PTMA: variants seen among roughly 807,000 people sequenced by gnomAD.
The protein encoded by PTMA is prothymosin alpha.
In PTMA, 4 loss-of-function variants were observed where a neutral mutation model predicts 16.9. The observed-to-expected ratio is 0.24, with a 90% CI of 0.12 to 0.54. PTMA has a LOEUF of 0.54. Among genes scored for constraint, PTMA ranks in the 20% least tolerant of loss-of-function variants. The pLI, the probability that PTMA is intolerant of heterozygous loss-of-function variation, is 0.95. For missense variants in PTMA, 120 were observed against 137.7 expected, an observed-to-expected ratio of 0.87 and a Z score of 0.64; for synonymous variants, 58 against 47.9, an observed-to-expected ratio of 1.21 and a Z score of -0.87.
chr2:231,709,093 C>G (rs1026459020), intron 1 of PTMA, among the ~76,000 whole-genome samples: 2 of 152,162 alleles, frequency 1.3e-5, no homozygotes, highest in African/African-American at 4.8e-5. Flanking sequence ...GTCGGCCCGC[C>G]GGGCGCACGG....
intron 1 of PTMA, 151 bp downstream of exon 1, chr2:231,708,902 C>T (rs1452451894): frequency 2.1e-5 from 21 of 1,002,596 alleles, no homozygotes; most frequent in Non-Finnish European, 2.9e-5. Context: ...AGGCAGCCCA[C>T]TCTTTGTGTG....
chr2:231,712,385 T>C (rs1575353672), intron 3 of PTMA, 58 bp from the exon 4 acceptor site: 1 of 1,554,274 alleles, frequency 6.4e-7, no homozygotes, highest in Non-Finnish European at 8.9e-7. Flanking sequence ...CCTCGGGATT[T>C]CCCCAGGAGC....
chr2:231,708,917 G>C (rs1488004203), intron 1 of PTMA, among the ~76,000 whole-genome samples, 166 bp downstream of exon 1: 1 of 152,184 alleles, frequency 6.6e-6, no homozygotes, highest in Non-Finnish European at 1.5e-5. Flanking sequence ...TGTGTGGTGC[G>C]GGGGAGGGGG....
At chr2:231,711,609 G>T in intron 2 of PTMA, 190 bp downstream of exon 2, 3 of 736,380 alleles carry the variant, frequency 4.1e-6, no homozygotes, top group Non-Finnish European at 4.4e-6. Context: ...AAAACCTTTC[G>T]AGCAGCGCCT....
At chr2:231,710,962 C>G (rs759816067) in intron 1 of PTMA, among the ~76,000 whole-genome samples, 1 of 152,260 alleles carries the variant, frequency 6.6e-6, no homozygotes, top group African/African-American at 2.4e-5. Flanking sequence ...TTCTAGACGG[C>G]TCGAGGGGCG....
intron 3 of PTMA, 150 bp downstream of exon 3, chr2:231,712,133 T>A: frequency 7.2e-7 from 1 of 1,379,326 alleles, no homozygotes; most frequent in Non-Finnish European, 9.8e-7. Context: ...ACCTGTAGAG[T>A]CAGGGAAGGT....
At chr2:231,710,052 G>C (rs998995027) in intron 1 of PTMA, 1 of 1,224,224 alleles carries the variant, frequency 8.2e-7, no homozygotes, top group East Asian at 3.2e-5. Context: ...GATTTTCTCC[G>C]AAGCACCAAA....
chr2:231,712,722 G>A, intron 4 of PTMA, 82 bp from the exon 5 acceptor site: 3 of 1,505,572 alleles, frequency 2.0e-6, no homozygotes, highest in Middle Eastern at 3.4e-4. Context: ...CCTGGTTCTT[G>A]CTCTGCCAGC....
chr2:231,712,164 C>G (rs989402557), intron 3 of PTMA, among the ~76,000 whole-genome samples, 181 bp downstream of exon 3: 1 of 152,160 alleles, frequency 6.6e-6, no homozygotes, highest in African/African-American at 2.4e-5. Flanking sequence ...TGGAGTTGTG[C>G]CCATGCCCAC....
intron 1 of PTMA, chr2:231,710,669 C>A (rs1490072712): frequency 2.3e-6 from 1 of 434,862 alleles, no homozygotes; most frequent in South Asian, 1.6e-5. Context: ...CGGAGTCCCA[C>A]CCCCGAGGTG....
intron 1 of PTMA, chr2:231,709,906 C>T (rs773691061): frequency 2.5e-6 from 1 of 395,812 alleles, no homozygotes; most frequent in Non-Finnish European, 4.1e-6. Context: ...TCTGACTCTC[C>T]CAGGGGCGAC....
At position 231,710,058 on chromosome 2, in the gene PTMA, C is replaced by T. The variant is rs191884210; in HGVS notation, c.46-1290C>T. 9 of 1,226,308 alleles carry T rather than the reference C, an allele frequency of 7.3e-6. No individual in the cohort carries two copies. In the East Asian group the frequency reaches 2.2e-4, roughly 31 times the overall value. 76.0% of individuals were successfully genotyped at this position (1,226,308 alleles called of 1,614,324 possible). On this transcript the variant is annotated intron_variant, in intron 1 of 4. Coordinates refer to ENST00000409115, the MANE Select transcript of PTMA (RefSeq NM_002823.5). The stretch of plus-strand genomic sequence containing the variant: ...TGGCTGTTCGATTTTCTCCGAAGCA[C>T]CAAAAGGTGACTTCCCGCGAGGGCG...
Position 231,710,425 on chromosome 2 carries a change from C to T in PTMA, c.46-923C>T, listed in dbSNP as rs1037214789. 5 of 1,153,612 alleles carry T rather than the reference C, an allele frequency of 4.3e-6. No individual in the cohort carries two copies. The African/African-American group carries it at 6.6e-5, about 15-fold the overall frequency. The allele number at this position is 1,153,612 out of a possible 1,614,324, so 71.5% of individuals were successfully genotyped here. ...GCGCGCCGCGACCTCCCTGCCCCCA[C>T]TGCTCCCCGGGGCTTCGGCCGCCAG... On this transcript the variant is annotated intron_variant, in intron 1 of 4. Coordinates refer to ENST00000409115, the MANE Select transcript of PTMA (RefSeq NM_002823.5).
At chr2:231,709,170 C>T (rs1266167280) in intron 1 of PTMA, among the ~76,000 whole-genome samples, 1 of 152,102 alleles carries the variant, frequency 6.6e-6, no homozygotes, top group African/African-American at 2.4e-5. Context: ...GGGGCGCGGG[C>T]CGGCCGCGGG....
At position 231,713,477 on chromosome 2, in the gene PTMA, T is replaced by G; in HGVS notation, c.*626T>G. On this transcript the variant is annotated 3_prime_UTR_variant, in exon 5 of 5. Coordinates refer to ENST00000409115, the MANE Select transcript of PTMA (RefSeq NM_002823.5). ...TTTATTTTTTTTGGCCTGTTTGATG[T>G]ATGTGTGAAACAATGTTGTCCAACA... The G allele has an allele frequency of 2.3e-6, 1 of 438,046 alleles. No individual in the cohort carries two copies. Among genetic ancestry groups the G allele is most frequent in the Admixed American group, 3.0e-5 (1 of 33,524 alleles). 27.1% of individuals were successfully genotyped at this position (438,046 alleles called of 1,614,324 possible). A position where few individuals can be genotyped will look rare whatever the true frequency, so the allele number is the denominator to read the frequency against.
In PTMA at chr2:231,709,999, T is replaced by C. The variant is rs2048495432; in HGVS notation, c.45+1248T>C. 6.4e-6 allele frequency: 7 copies of C among 1,086,732 alleles called. No individual in the cohort carries two copies. In the South Asian group the frequency reaches 2.4e-4, roughly 37 times the overall value. The allele number at this position is 1,086,732 out of a possible 1,614,324, so 67.3% of individuals were successfully genotyped here. ...TCTGGACTCAGTCCGGGAATGAGTT[T>C]GTGGGGTGAGAACACCGTCCCCAGT... On this transcript the variant is annotated intron_variant, in intron 1 of 4. Coordinates refer to ENST00000409115, the MANE Select transcript of PTMA (RefSeq NM_002823.5).
rs1575350018 is a variant in PTMA, at chr2:231,709,995, A to C, written c.45+1244A>C. On this transcript the variant is annotated intron_variant, in intron 1 of 4. Coordinates refer to ENST00000409115, the MANE Select transcript of PTMA (RefSeq NM_002823.5). ...CCCTTCTGGACTCAGTCCGGGAATG[A>C]GTTTGTGGGGTGAGAACACCGTCCC... The C allele has an allele frequency of 1.0e-5, 11 of 1,066,352 alleles. No homozygotes were observed. The African/African-American group carries it at 1.5e-4, about 14-fold the overall frequency. 66.1% of individuals were successfully genotyped at this position (1,066,352 alleles called of 1,614,324 possible).
intron 1 of PTMA, among the ~76,000 whole-genome samples, 176 bp downstream of exon 1, chr2:231,708,927 G>A (rs1373631163): frequency 6.6e-6 from 1 of 152,220 alleles, no homozygotes; most frequent in African/African-American, 2.4e-5. Flanking sequence ...GGGGGAGGGG[G>A]CGGGAACCGC....
intron 4 of PTMA, 51 bp from the exon 5 acceptor site, chr2:231,712,753 G>A (rs1185490610): frequency 9.6e-6 from 15 of 1,564,752 alleles, no homozygotes; most frequent in Non-Finnish European, 1.0e-5. Context: ...GCAGTGGGCT[G>A]GATAGGGCTC....
Sources: allele counts gnomAD v4.1 joint callset (sites outside exome capture counted in the v4.1 genomes callset), GRCh38; gene constraint gnomAD v4.1.1; transcripts MANE v1.5; gene names NCBI Gene and HGNC (gene_info 2026-07-23, HGNC 2026-07-21).